The following PCDHGA5 variants were observed in gnomAD, a reference collection of about 807,000 sequenced individuals.
PCDHGA5 encodes protocadherin gamma subfamily A, 5.
PCDHGA5 carries 36 observed loss-of-function variants against 56.7 expected under a neutral mutation model. The observed-to-expected ratio is 0.64, with a 90% CI of 0.49 to 0.84. PCDHGA5 has a LOEUF of 0.84. Ranked by LOEUF, PCDHGA5 falls within the 40% of genes least tolerant of loss-of-function variation. PCDHGA5 has a pLI of 0.00. For synonymous variants in PCDHGA5, 563 were observed against 520.2 expected, an observed-to-expected ratio of 1.08 and a Z score of -1.12; for missense variants, 1,305 against 1,201.5, an observed-to-expected ratio of 1.09 and a Z score of -1.27.
Position 141,365,890 on chromosome 5 carries a change from C to T in PCDHGA5, c.1560C>T (p.Phe520=), listed in dbSNP as rs780121604. Residue 520 remains phenylalanine (F), a synonymous_variant, in exon 1 of 4, where the codon TTC becomes TTT. Transcript: ENST00000518069. ...GTGTCCTGTATGCTCTGAGATCCTT[C>T]GACTATGAGCAGTTGAGAGACCTAC... The part of the protein sequence containing the change: ...DTGVLYALRS[F]DYEQLRDLQL... The T allele has an allele frequency of 3.1e-6, 5 of 1,614,140 alleles. No individual in the cohort carries two copies. The Admixed American group carries it at 6.7e-5, about 22-fold the overall frequency.
chr5:141,427,819 T>C, intron 1 of PCDHGA5: 1 of 1,531,664 alleles, frequency 6.5e-7, no homozygotes, highest in Non-Finnish European at 8.9e-7. Context: ...AGCGGGGTGG[T>C]GGTCGCGCAG....
chr5:141,374,519 G>C (rs769907625), intron 1 of PCDHGA5: 94 of 1,612,334 alleles, frequency 5.8e-5, no homozygotes, highest in Non-Finnish European at 7.8e-5. Flanking sequence ...TCTCGAAAAC[G>C]CAGCTCCATC....
At chr5:141,419,917 T>C in intron 1 of PCDHGA5, 1 of 1,612,890 alleles carries the variant, frequency 6.2e-7, no homozygotes, top group Non-Finnish European at 8.5e-7. Context: ...ACTCCCAGGC[T>C]GAGATGCAGT....
chr5:141,509,882 G>A (rs1374735632), intron 3 of PCDHGA5, among the ~76,000 whole-genome samples: 1 of 152,182 alleles, frequency 6.6e-6, no homozygotes. Context: ...GGTGGTGATG[G>A]TGACTGACTG....
chr5:141,399,018 T>C lies in PCDHGA5; in HGVS notation c.2421+32267T>C. 5 of 1,613,892 alleles carry C rather than the reference T, an allele frequency of 3.1e-6. No individual in the cohort carries two copies. The South Asian group carries it at 3.3e-5, about 11-fold the overall frequency. On this transcript the variant is annotated intron_variant, in intron 1 of 3. Coordinates refer to ENST00000518069, the MANE Select transcript of PCDHGA5 (RefSeq NM_018918.3). ...GTCTGAATTCAAAGAGCGGAGAAATTACCACTCAAAAGAAACTGGATTTTG... is the reference window on the plus strand; with the variant it reads ...GTCTGAATTCAAAGAGCGGAGAAATCACCACTCAAAAGAAACTGGATTTTG...
rs749415234 is a variant in PCDHGA5, at chr5:141,419,462, C to A, written c.2421+52711C>A. On this transcript the variant is annotated intron_variant, in intron 1 of 3. Transcript: ENST00000518069. Reference sequence around the variant, plus strand: ...CACCTTCGAGCTCACGCTGCAGGCCCGCGACCAGGGCTCGCCCGCGCTCAG... The same window carrying A: ...CACCTTCGAGCTCACGCTGCAGGCCAGCGACCAGGGCTCGCCCGCGCTCAG... 2.5e-6 allele frequency: 4 copies of A among 1,612,582 alleles called. No homozygotes were observed. In the Admixed American group the frequency reaches 6.7e-5, roughly 27 times the overall value.
At chr5:141,510,335 AC>A (rs1247622083) in intron 3 of PCDHGA5, among the ~76,000 whole-genome samples, 1 of 149,138 alleles carries the variant, frequency 6.7e-6, no homozygotes, top group African/African-American at 2.5e-5. Context: ...CTTCACCCCC[AC>A]CCCACACACT....
chr5:141,376,790 C>T (rs993106299), intron 1 of PCDHGA5: 2 of 364,964 alleles, frequency 5.5e-6, no homozygotes, highest in Non-Finnish European at 9.9e-6. Context: ...GGGTTCACGC[C>T]ATTCTCCTGC....
intron 1 of PCDHGA5, among the ~76,000 whole-genome samples, chr5:141,460,445 G>A (rs896549154): frequency 7.2e-5 from 11 of 152,144 alleles, no homozygotes; most frequent in Admixed American, 5.9e-4. Flanking sequence ...AGGTAACAAT[G>A]AAGATTCATA....
intron 1 of PCDHGA5, chr5:141,392,779 T>A: frequency 6.5e-7 from 1 of 1,534,720 alleles, no homozygotes; most frequent in Non-Finnish European, 8.8e-7. Flanking sequence ...TTATGCACAG[T>A]GAAGATTCTG....
At chr5:141,449,588 CAAAA>C (rs768743917) in intron 1 of PCDHGA5, among the ~76,000 whole-genome samples, 2 of 57,488 alleles carry the variant, frequency 3.5e-5, no homozygotes, top group Non-Finnish European at 3.7e-5. Flanking sequence ...GACTCTGTCT[CAAAA>C]AAAAAAAAAA....
rs757797019 is a variant in PCDHGA5 at position 141,487,064 on chromosome 5, G to A, written c.2422-7743G>A. On this transcript the variant is annotated intron_variant, in intron 1 of 3. Transcript: ENST00000518069. The surrounding 1 kb of genome is among the most constrained non-coding windows in gnomAD (Gnocchi z 5.0). The stretch of plus-strand genomic sequence containing the variant: ...TCGATATGCTGGGGAGGTGCGGACG[G>A]CTGTTCCTATCCCAGCTGACCTCCC... 6.2e-6 allele frequency: 10 copies of A among 1,614,006 alleles called. No individual in the cohort carries two copies.
chr5:141,372,063 G>T, intron 1 of PCDHGA5: 2 of 1,613,548 alleles, frequency 1.2e-6, no homozygotes. Context: ...CGACCGCAAC[G>T]ACAATGCACC....
intron 1 of PCDHGA5, among the ~76,000 whole-genome samples, chr5:141,444,838 T>G (rs2098448876): frequency 6.6e-6 from 1 of 152,214 alleles, no homozygotes; most frequent in African/African-American, 2.4e-5. Context: ...AGCTTTATAG[T>G]AAGTCTTGCT....
intron 1 of PCDHGA5, among the ~76,000 whole-genome samples, chr5:141,442,888 GCTTATCA>G (rs776180931): frequency 8.5e-5 from 13 of 152,204 alleles, no homozygotes; most frequent in Non-Finnish European, 1.8e-4. Flanking sequence ...CAGAATCCCT[GCTTATCA>G]CTTCTCCTTC....
At chr5:141,408,458 G>A (rs760881860) in intron 1 of PCDHGA5, 1 of 1,614,066 alleles carries the variant, frequency 6.2e-7, no homozygotes, top group Admixed American at 1.7e-5. Context: ...GGACTTACTT[G>A]TGAAGAACCG....
intron 1 of PCDHGA5, chr5:141,382,963 A>T (rs1778642004): frequency 6.2e-7 from 1 of 1,606,674 alleles, no homozygotes. Context: ...CCTCCTGGGG[A>T]CCCCCTGGGA....
intron 1 of PCDHGA5, among the ~76,000 whole-genome samples, chr5:141,469,029 C>A (rs2099189188): frequency 6.6e-6 from 1 of 152,052 alleles, no homozygotes; most frequent in Non-Finnish European, 1.5e-5. Flanking sequence ...GTAATCCCAG[C>A]ACTTTGGGAG....
chr5:141,382,961 G>A (rs749724133), intron 1 of PCDHGA5: 14 of 1,607,564 alleles, frequency 8.7e-6, no homozygotes, highest in Non-Finnish European at 1.2e-5. Flanking sequence ...ATCCTCCTGG[G>A]GACCCCCTGG....
Sources: gnomAD v4.1 joint callset for allele counts (sites outside exome capture counted in the v4.1 genomes callset) on GRCh38, gnomAD v4.1.1 for gene constraint, Gnocchi (gnomAD v3.1) non-coding constraint, MANE v1.5 for transcripts, NCBI Gene and HGNC (gene_info 2026-07-23, HGNC 2026-07-21) for gene names.